Variants in ASZ1 observed in about 807,000 individuals in gnomAD.
The protein encoded by ASZ1 is ankyrin repeat, SAM and basic leucine zipper domain-containing protein 1.
A neutral mutation model predicts 61.8 loss-of-function variants in ASZ1; 67 were observed. That is an observed-to-expected ratio of 1.08 (90% CI 0.89 to 1.33). The LOEUF is 1.33. Among genes scored for constraint, ASZ1 ranks in the 40% most tolerant of loss-of-function variants. ASZ1 has a pLI of 0.00. For missense variants in ASZ1, 577 were observed against 554.5 expected (o/e 1.04, Z -0.41); for synonymous variants, 193 against 192.7 (o/e 1.00, Z -0.01).
At chr7:117,390,755 G>A (rs1274566386) in intron 4 of ASZ1, among the ~76,000 whole-genome samples, 3 of 152,130 alleles carry the variant, frequency 2.0e-5, no homozygotes, top group East Asian at 1.9e-4. Flanking sequence ...CTAGGCTGGA[G>A]TGCAGTGGCA....
At chr7:117,424,741 T>C (rs183874032) in intron 2 of ASZ1, among the ~76,000 whole-genome samples, 3 of 152,354 alleles carry the variant, frequency 2.0e-5, no homozygotes, top group Admixed American at 2.0e-4. Flanking sequence ...ATGTACACTA[T>C]ACATATATTA....
chr7:117,385,629 A>T, intron 5 of ASZ1, 69 bp downstream of exon 5: 1 of 1,293,904 alleles, frequency 7.7e-7, no homozygotes. Flanking sequence ...ATTACTTCTT[A>T]AAATTCTTTT....
At position 117,380,152 on chromosome 7, in the gene ASZ1, A is replaced by G. The variant is rs897550628; in HGVS notation, c.946-105T>C. ...CTTGATGAATTCACATCTTGAAAAA[A>G]TAGGCATATATTGGAAAAATAACAC... On this transcript the variant is annotated intron_variant, in intron 9 of 12. Coordinates refer to ENST00000284629, the MANE Select transcript of ASZ1 (RefSeq NM_130768.3). 4 of 695,944 alleles carry G rather than the reference A, an allele frequency of 5.7e-6. No individual in the cohort carries two copies. The African/African-American group carries it at 7.3e-5, about 13-fold the overall frequency. 43.1% of individuals were successfully genotyped at this position (695,944 alleles called of 1,614,324 possible). A position where few individuals can be genotyped will look rare whatever the true frequency, so the allele number is the denominator to read the frequency against.
intron 2 of ASZ1, among the ~76,000 whole-genome samples, chr7:117,423,422 AT>A (rs1797135029): frequency 6.6e-6 from 1 of 152,120 alleles, no homozygotes; most frequent in African/African-American, 2.4e-5. Context: ...TCTCTAACAA[AT>A]CTTCCTCTTT....
At chr7:117,373,643 A>G (rs927887106) in intron 10 of ASZ1, among the ~76,000 whole-genome samples, 5 of 152,214 alleles carry the variant, frequency 3.3e-5, no homozygotes, top group African/African-American at 1.2e-4. Context: ...AACCTTTTCC[A>G]TAACAGCATG....
At position 117,363,551 on chromosome 7, in the gene ASZ1, T is replaced by C. The variant is rs374820908; in HGVS notation, c.*45A>G. 190 of 1,388,312 alleles carry C rather than the reference T, an allele frequency of 1.4e-4. No homozygotes were observed. In the African/African-American group the frequency reaches 2.5e-3, roughly 18 times the overall value. 86.0% of individuals were successfully genotyped at this position (1,388,312 alleles called of 1,614,324 possible). Reference sequence around the variant, plus strand: ...ACAGTTAAAAGCAATGATTTTTGGATGGTTCAATAAGATGTGTATATATAA... The same window carrying C: ...ACAGTTAAAAGCAATGATTTTTGGACGGTTCAATAAGATGTGTATATATAA... On this transcript the variant is annotated 3_prime_UTR_variant, in exon 13 of 13. Coordinates refer to ENST00000284629, the MANE Select transcript of ASZ1 (RefSeq NM_130768.3).
At chr7:117,380,493 A>G (rs28591146) in intron 9 of ASZ1, among the ~76,000 whole-genome samples, 1 of 151,804 alleles carries the variant, frequency 6.6e-6, no homozygotes, top group East Asian at 1.9e-4. Flanking sequence ...ACTGATTTTT[A>G]GTGATATTAA....
At chr7:117,379,096 A>G (rs1796194974) in intron 10 of ASZ1, among the ~76,000 whole-genome samples, 1 of 148,594 alleles carries the variant, frequency 6.7e-6, no homozygotes, top group Admixed American at 6.8e-5. Flanking sequence ...TACATTGAAC[A>G]CGGAAGTAGT....
At chr7:117,416,285 T>C (rs1403919866) in intron 4 of ASZ1, among the ~76,000 whole-genome samples, 1 of 152,238 alleles carries the variant, frequency 6.6e-6, no homozygotes, top group East Asian at 1.9e-4. Flanking sequence ...TTTAGGGACT[T>C]AGAAAGACGT....
intron 4 of ASZ1, among the ~76,000 whole-genome samples, chr7:117,397,277 TA>T (rs1393109090): frequency 7.9e-5 from 12 of 152,034 alleles, no homozygotes; most frequent in African/African-American, 2.4e-4. Context: ...AAAACCAAAG[TA>T]AAAGATCCAA....
chr7:117,387,144 TA>T (rs577384608), intron 4 of ASZ1, among the ~76,000 whole-genome samples: 6,920 of 121,744 alleles, frequency 0.057, 186 homozygotes, highest in African/African-American at 0.097. Context: ...TACCTCTACT[TA>T]AAAAAAAAAA....
intron 12 of ASZ1, 137 bp downstream of exon 12, chr7:117,367,215 C>T (rs1217259478): frequency 5.0e-6 from 3 of 604,620 alleles, no homozygotes; most frequent in African/African-American, 1.9e-5. Context: ...ATATTTCTTC[C>T]TTTGGAAACT....
rs374092921 is a variant in ASZ1 at position 117,427,486 on chromosome 7, C to A, written c.-26G>T. On this transcript the variant is annotated 5_prime_UTR_variant, in exon 1 of 13. Transcript: ENST00000284629. ...GCCAGCCAAGGAAGCTCCCTGTCGG[C>A]ACCGCGCGCCCTTCAGCTCTCCGGG... 6 of 1,611,250 alleles carry A rather than the reference C, an allele frequency of 3.7e-6. No homozygotes were observed. Among genetic ancestry groups the A allele is most frequent in the East Asian group, 4.5e-5 (2 of 44,854 alleles).
chr7:117,364,432 AG>A (rs1795895158), intron 12 of ASZ1, among the ~76,000 whole-genome samples: 2 of 151,764 alleles, frequency 1.3e-5, no homozygotes, highest in Non-Finnish European at 2.9e-5. Context: ...AGAGAGAGAG[AG>A]AGAGAGAGAG....
At chr7:117,368,552 T>C in intron 11 of ASZ1, 60 bp downstream of exon 11, 1 of 1,571,308 alleles carries the variant, frequency 6.4e-7, no homozygotes, top group Non-Finnish European at 8.6e-7. Flanking sequence ...TATCATGAAC[T>C]TATCTGGAAT....
chr7:117,422,300 C>T lies in ASZ1; in HGVS notation c.265G>A (p.Val89Ile). The T allele has an allele frequency of 3.1e-6, 5 of 1,613,820 alleles. No homozygotes were observed. In the South Asian group the frequency reaches 5.5e-5, roughly 18 times the overall value. ...GWTPLMYAASVANAELVRVLL... is the reference protein window; with the variant it reads ...GWTPLMYAASIANAELVRVLL... ...ACCCGAACCAGCTCTGCATTGGCAACACTAGCAGCATACATAAGGGGAGTC... is the reference window on the plus strand; with the variant it reads ...ACCCGAACCAGCTCTGCATTGGCAATACTAGCAGCATACATAAGGGGAGTC... Residue 89 changes from valine to isoleucine, a missense_variant, in exon 3 of 13, where the codon GTT (valine) becomes ATT (isoleucine). Coordinates refer to ENST00000284629, the MANE Select transcript of ASZ1 (RefSeq NM_130768.3).
chr7:117,404,226 C>G (rs189235926), intron 4 of ASZ1, among the ~76,000 whole-genome samples: 10 of 152,124 alleles, frequency 6.6e-5, no homozygotes, highest in African/African-American at 1.9e-4. Context: ...TGCCTGCCAT[C>G]TCTCTGTGGG....
intron 2 of ASZ1, 45 bp from the exon 3 acceptor site, chr7:117,422,404 G>GA: frequency 3.1e-6 from 5 of 1,589,616 alleles, no homozygotes; most frequent in Non-Finnish European, 4.3e-6. Context: ...TACCACCAAA[G>GA]AAAAAAATCA....
chr7:117,409,687 A>G (rs547264677), intron 4 of ASZ1, among the ~76,000 whole-genome samples: 2 of 152,032 alleles, frequency 1.3e-5, no homozygotes, highest in African/African-American at 4.8e-5. Context: ...GCAAAATTTG[A>G]AAACAAATAT....
Sources: allele counts gnomAD v4.1 joint callset (sites outside exome capture counted in the v4.1 genomes callset), GRCh38; gene constraint gnomAD v4.1.1; transcripts MANE v1.5; gene names NCBI Gene and HGNC (gene_info 2026-07-23, HGNC 2026-07-21).